Variants in LRP1B observed in about 807,000 individuals in gnomAD.
The protein encoded by LRP1B is LDL receptor related protein 1B, also known as low-density lipoprotein receptor-related protein 1B.
In LRP1B, 217 loss-of-function variants were observed where a neutral mutation model predicts 556.6. The observed-to-expected ratio is 0.39, with a 90% CI of 0.35 to 0.44. The LOEUF is 0.44. Ranked by LOEUF, LRP1B falls within the 20% of genes least tolerant of loss-of-function variation. LRP1B has a pLI of 1.00. For missense variants in LRP1B, 5,053 were observed against 5,620.8 expected (o/e 0.90, Z 3.23); for synonymous variants, 2,047 against 1,865.8 (o/e 1.10, Z -2.50).
intron 3 of LRP1B, among the ~76,000 whole-genome samples, chr2:141,262,961 G>C (rs1421857907): frequency 6.6e-6 from 1 of 151,740 alleles, no homozygotes; most frequent in Non-Finnish European, 1.5e-5. Context: ...TTGGAATTAT[G>C]TTAAATTTAT....
At chr2:142,077,705 T>A (rs1705557820) in intron 1 of LRP1B, among the ~76,000 whole-genome samples, 1 of 151,958 alleles carries the variant, frequency 6.6e-6, no homozygotes, top group African/African-American at 2.4e-5. Flanking sequence ...AGTTTGGGAG[T>A]ACAGTTTCCT....
At chr2:141,272,654 A>G (rs544225197) in intron 3 of LRP1B, among the ~76,000 whole-genome samples, 14 of 152,320 alleles carry the variant, frequency 9.2e-5, no homozygotes, top group African/African-American at 2.9e-4. Context: ...CAACCATAAG[A>G]AAGTTGGAGT....
intron 20 of LRP1B, among the ~76,000 whole-genome samples, chr2:140,929,549 T>C (rs990119187): frequency 1.3e-5 from 2 of 152,138 alleles, no homozygotes; most frequent in Non-Finnish European, 2.9e-5. Context: ...GTCTTGGATA[T>C]AACCTTATAG....
intron 79 of LRP1B, among the ~76,000 whole-genome samples, 170 bp downstream of exon 79, chr2:140,334,283 T>C (rs977604663): frequency 2.0e-5 from 3 of 152,068 alleles, no homozygotes; most frequent in Admixed American, 1.3e-4. Flanking sequence ...GACCTGATTT[T>C]CAAGTTGAGA....
intron 54 of LRP1B, 73 bp from the exon 55 acceptor site, chr2:140,501,947 C>T: frequency 9.8e-7 from 1 of 1,024,836 alleles, no homozygotes; most frequent in Non-Finnish European, 1.4e-6. Context: ...TGAAAACATT[C>T]ACAAATATCA....
At position 140,334,542 on chromosome 2, in the gene LRP1B, A is replaced by G; in HGVS notation, c.12134T>C (p.Val4045Ala). 6.3e-7 allele frequency: 1 copy of G among 1,587,910 alleles called. No individual in the cohort carries two copies. Among genetic ancestry groups the G allele is most frequent in the Non-Finnish European group, 8.6e-7 (1 of 1,167,628 alleles). ...NPKRGMMYWT[V>A]VGDHSHIEEA... ...TTCTATATGGGAATGATCCCCAACA[A>G]CAGTCCAGTACATCATCCTGAAGAG... The change falls in exon 79 of 91, where the codon GTT (valine) becomes GCT (alanine). Residue 4045 changes from valine to alanine, a missense_variant. Val to Ala is a moderately conservative substitution (Grantham distance 64). Coordinates refer to ENST00000389484, the MANE Select transcript of LRP1B (RefSeq NM_018557.3).
At chr2:140,307,281 A>G (rs1684108211) in intron 83 of LRP1B, among the ~76,000 whole-genome samples, 1 of 151,960 alleles carries the variant, frequency 6.6e-6, no homozygotes, top group Non-Finnish European at 1.5e-5. Flanking sequence ...TATTGTGTAC[A>G]GGTAAAACAC....
At position 140,383,586 on chromosome 2, in the gene LRP1B, G is replaced by A. The variant is rs554515923; in HGVS notation, c.10531+2307C>T. Among the ~76,000 whole-genome samples the A allele has an allele frequency of 9.2e-5, 14 of 152,018 alleles. 1 individual carries two copies. Among genetic ancestry groups the A allele is most frequent in the Middle Eastern group, 6.8e-3 (2 of 294 alleles). On this transcript the variant is annotated intron_variant, in intron 67 of 90. Transcript: ENST00000389484. The stretch of plus-strand genomic sequence containing the variant: ...CCCTATTCAATTATCTAGATCCCTG[G>A]ATCCATCCTCTTACATGTTCAAAAC...
At chr2:140,463,005 T>G (rs1436385709) in intron 60 of LRP1B, among the ~76,000 whole-genome samples, 1 of 151,660 alleles carries the variant, frequency 6.6e-6, no homozygotes, top group Non-Finnish European at 1.5e-5. Flanking sequence ...TAGCATAGTG[T>G]GAAAAACAAA....
At chr2:141,788,148 T>A (rs1471341593) in intron 2 of LRP1B, among the ~76,000 whole-genome samples, 1 of 152,030 alleles carries the variant, frequency 6.6e-6, no homozygotes, top group African/African-American at 2.4e-5. Context: ...GACAGGCCCA[T>A]ATTTATAAAT....
chr2:140,766,089 T>C (rs1286947682), intron 35 of LRP1B, among the ~76,000 whole-genome samples: 1 of 151,928 alleles, frequency 6.6e-6, no homozygotes, highest in Non-Finnish European at 1.5e-5. Context: ...GATCCTAATG[T>C]AGAGATTATG....
At chr2:141,880,153 CT>C (rs1698905869) in intron 1 of LRP1B, among the ~76,000 whole-genome samples, 1 of 151,974 alleles carries the variant, frequency 6.6e-6, no homozygotes, top group South Asian at 2.1e-4. Flanking sequence ...AGAAGAATAT[CT>C]ACGATCCATC....
chr2:140,596,704 G>GT (rs1170235830), intron 43 of LRP1B, among the ~76,000 whole-genome samples: 1 of 152,132 alleles, frequency 6.6e-6, no homozygotes, highest in African/African-American at 2.4e-5. Flanking sequence ...TAGCATGATG[G>GT]TTTGCACAGG....
At chr2:141,225,708 T>C (rs1185073001) in intron 6 of LRP1B, among the ~76,000 whole-genome samples, 1 of 152,210 alleles carries the variant, frequency 6.6e-6, no homozygotes, top group African/African-American at 2.4e-5. Context: ...ATTTAATGTC[T>C]ATCATTTCCC....
chr2:140,787,163 G>A (rs776842676), intron 32 of LRP1B, among the ~76,000 whole-genome samples: 7 of 152,136 alleles, frequency 4.6e-5, no homozygotes, highest in Non-Finnish European at 8.8e-5. Flanking sequence ...GATTAAGTGG[G>A]TCTGAACCAC....
At position 141,569,340 on chromosome 2, in the gene LRP1B, A is replaced by T. The variant is rs1293604827; in HGVS notation, c.206-88807T>A. ...TTAAGCAGGCCCTAGAAATATAAAA[A>T]AAAGGGCATTTTCAGAAAAGTGAAA... On this transcript the variant is annotated intron_variant, in intron 2 of 90. Transcript: ENST00000389484. Among the ~76,000 whole-genome samples, 6 of 151,116 alleles carry T rather than the reference A, an allele frequency of 4.0e-5. 1 individual carries two copies. Among genetic ancestry groups the T allele is most frequent in the African/African-American group, 1.2e-4 (5 of 41,376 alleles).
intron 1 of LRP1B, among the ~76,000 whole-genome samples, chr2:142,016,391 C>T (rs1703130843): frequency 6.6e-6 from 1 of 152,006 alleles, no homozygotes; most frequent in South Asian, 2.1e-4. Context: ...ATGTTTATTC[C>T]AGCACTATTC....
intron 27 of LRP1B, among the ~76,000 whole-genome samples, chr2:140,856,734 GAGATACACACACACAC>G (rs886802610): frequency 7.1e-6 from 1 of 140,096 alleles, no homozygotes; most frequent in Non-Finnish European, 1.5e-5. Flanking sequence ...GGAACTAAGA[GAGATACACACACACAC>G]ACACACACAC....
At chr2:140,486,295 A>T (rs573631985) in intron 58 of LRP1B, among the ~76,000 whole-genome samples, 3 of 152,114 alleles carry the variant, frequency 2.0e-5, no homozygotes, top group Admixed American at 6.6e-5. Context: ...CTTTTTCCCT[A>T]ATGCCATCAA....
Sources: gnomAD v4.1 joint callset for allele counts (sites outside exome capture counted in the v4.1 genomes callset) on GRCh38, gnomAD v4.1.1 for gene constraint, MANE v1.5 for transcripts, NCBI Gene and HGNC (gene_info 2026-07-23, HGNC 2026-07-21) for gene names.